RALYL: variants seen among roughly 807,000 people sequenced by gnomAD.
The protein encoded by RALYL is RNA-binding Raly-like protein.
In RALYL, 29 loss-of-function variants were observed where a neutral mutation model predicts 35.1. The observed-to-expected ratio is 0.83, with a 90% CI of 0.61 to 1.13. The LOEUF is 1.13. Among genes scored for constraint, RALYL ranks in the 50% most tolerant of loss-of-function variants. RALYL has a pLI of 0.00. For missense variants in RALYL, 359 were observed against 360.4 expected, an observed-to-expected ratio of 1.00 and a Z score of 0.03; for synonymous variants, 120 against 127.6, an observed-to-expected ratio of 0.94 and a Z score of 0.40.
chr8:84,766,012 A>T (rs958178813), intron 2 of RALYL, among the ~76,000 whole-genome samples: 2 of 152,226 alleles, frequency 1.3e-5, no homozygotes, highest in African/African-American at 4.8e-5. Flanking sequence ...TGACAGAGCC[A>T]GCAGGGATTG....
intron 2 of RALYL, among the ~76,000 whole-genome samples, chr8:84,628,430 G>C (rs1200335964): frequency 1.3e-5 from 2 of 151,914 alleles, no homozygotes; most frequent in South Asian, 2.1e-4. Flanking sequence ...ACATTTATTT[G>C]CTTGTCTATT....
chr8:84,745,076 C>G (rs956891638), intron 2 of RALYL, among the ~76,000 whole-genome samples: 1 of 151,832 alleles, frequency 6.6e-6, no homozygotes, highest in African/African-American at 2.4e-5. Context: ...CACACACACA[C>G]ACACACACAG....
intron 1 of RALYL, among the ~76,000 whole-genome samples, chr8:84,367,869 A>G (rs913498226): frequency 6.6e-6 from 1 of 152,310 alleles, no homozygotes; most frequent in Non-Finnish European, 1.5e-5. Flanking sequence ...TTAAAAAGCT[A>G]TATCCCATTG....
chr8:84,220,121 G>T (rs1361073126), intron 1 of RALYL, among the ~76,000 whole-genome samples: 1 of 151,942 alleles, frequency 6.6e-6, no homozygotes, highest in African/African-American at 2.4e-5. Flanking sequence ...TTCATACCAA[G>T]ATAGCTAATT....
At chr8:84,635,504 A>T (rs1350493649) in intron 2 of RALYL, among the ~76,000 whole-genome samples, 1 of 151,748 alleles carries the variant, frequency 6.6e-6, no homozygotes, top group Non-Finnish European at 1.5e-5. Context: ...CAATAGAATA[A>T]TCAGCTTTCT....
At position 84,189,271 on chromosome 8, in the gene RALYL, T is replaced by G. The variant is rs538912939; in HGVS notation, c.-24+4847T>G. Among the ~76,000 whole-genome samples the G allele has an allele frequency of 2.6e-4, 39 of 152,340 alleles. 1 individual carries two copies. In the South Asian group the frequency reaches 7.9e-3, roughly 31 times the overall value. On this transcript the variant is annotated intron_variant, in intron 1 of 8. Transcript: ENST00000521268. ...AGAGATTTTCTGTGCATAAATATGT[T>G]TGGCAAAATTCCATTTAACTCACTA...
At chr8:84,817,938 A>T (rs937490031) in intron 4 of RALYL, among the ~76,000 whole-genome samples, 1 of 152,258 alleles carries the variant, frequency 6.6e-6, no homozygotes, top group Non-Finnish European at 1.5e-5. Flanking sequence ...ATCAATTATT[A>T]AAAACATTCT....
intron 1 of RALYL, among the ~76,000 whole-genome samples, chr8:84,428,936 A>G (rs1355018142): frequency 8.5e-5 from 13 of 152,164 alleles, no homozygotes. Context: ...AAGGGGAAAA[A>G]TTGCATATTC....
intron 1 of RALYL, among the ~76,000 whole-genome samples, chr8:84,263,913 C>G (rs1427522467): frequency 6.6e-6 from 1 of 152,152 alleles, no homozygotes; most frequent in Non-Finnish European, 1.5e-5. Context: ...TGGCTTCCAG[C>G]TTCATCCATG....
chr8:84,460,509 G>T (rs1025689390), intron 1 of RALYL, among the ~76,000 whole-genome samples: 2 of 151,592 alleles, frequency 1.3e-5, no homozygotes, highest in African/African-American at 4.8e-5. Context: ...ACTCTTTATG[G>T]ATGTAAAATG....
chr8:84,896,171 A>G (rs1466189686), intron 8 of RALYL, among the ~76,000 whole-genome samples: 2 of 152,150 alleles, frequency 1.3e-5, no homozygotes, highest in Non-Finnish European at 2.9e-5. Context: ...GAGGTGCAGG[A>G]CCCACAAGGT....
chr8:84,288,704 T>C (rs1838164540), intron 1 of RALYL, among the ~76,000 whole-genome samples: 1 of 152,204 alleles, frequency 6.6e-6, no homozygotes, highest in South Asian at 2.1e-4. Flanking sequence ...TTTGCTTTTC[T>C]ACCTAAAAAC....
At chr8:84,829,120 A>G (rs1830341938) in intron 4 of RALYL, among the ~76,000 whole-genome samples, 1 of 152,168 alleles carries the variant, frequency 6.6e-6, no homozygotes, top group Admixed American at 6.5e-5. Context: ...GGAACAAGGC[A>G]CATCTTATGT....
At chr8:84,856,703 G>C (rs1229455729) in intron 5 of RALYL, among the ~76,000 whole-genome samples, 1 of 152,196 alleles carries the variant, frequency 6.6e-6, no homozygotes, top group African/African-American at 2.4e-5. Context: ...AGTTTAAACA[G>C]TACAGGGAAC....
chr8:84,811,061 G>T (rs1168828169), intron 4 of RALYL, among the ~76,000 whole-genome samples: 4 of 151,056 alleles, frequency 2.6e-5, no homozygotes, highest in African/African-American at 4.9e-5. Context: ...CCTTGGTTTT[G>T]TTTTTTGTTT....
chr8:84,495,229 A>C (rs1395361388), intron 1 of RALYL, among the ~76,000 whole-genome samples: 1 of 152,112 alleles, frequency 6.6e-6, no homozygotes, highest in Non-Finnish European at 1.5e-5. Context: ...TTTGAAGAAT[A>C]AATTTCTTTT....
chr8:84,641,332 C>T (rs1173343880), intron 2 of RALYL, among the ~76,000 whole-genome samples: 1 of 151,564 alleles, frequency 6.6e-6, no homozygotes, highest in African/African-American at 2.4e-5. Context: ...TAGTAACCTT[C>T]AATTTTAGTA....
intron 1 of RALYL, among the ~76,000 whole-genome samples, chr8:84,402,435 G>A (rs1388411): frequency 0.028 from 4,287 of 152,004 alleles, 197 homozygotes; most frequent in African/African-American, 0.098. Context: ...GATAATAATG[G>A]TGTTCTAGAA....
chr8:84,196,336 A>G (rs2130935399), intron 1 of RALYL, among the ~76,000 whole-genome samples: 1 of 152,298 alleles, frequency 6.6e-6, no homozygotes. Context: ...GCCATGAACA[A>G]GCTTTCTCTA....
Sources: allele counts gnomAD v4.1 joint callset (sites outside exome capture counted in the v4.1 genomes callset), GRCh38; gene constraint gnomAD v4.1.1; transcripts MANE v1.5; gene names NCBI Gene and HGNC (gene_info 2026-07-23, HGNC 2026-07-21).